Variants in DHX30 observed in about 807,000 individuals in gnomAD.
The protein encoded by DHX30 is DExH-box helicase 30.
A neutral mutation model predicts 116.9 loss-of-function variants in DHX30; 4 were observed. The observed-to-expected ratio is 0.03, with a 90% CI of 0.02 to 0.08. The LOEUF (loss-of-function observed/expected upper bound fraction) is 0.08. Among genes scored for constraint, DHX30 ranks in the 10% least tolerant of loss-of-function variants. The pLI is 1.00. For synonymous variants in DHX30, 697 were observed against 651.7 expected, an observed-to-expected ratio of 1.07 and a Z score of -1.06; for missense variants, 871 against 1,595.1, an observed-to-expected ratio of 0.55 and a Z score of 7.73.
At position 47,841,189 on chromosome 3, in the gene DHX30, A is replaced by G. The variant is rs186366596; in HGVS notation, c.668+11A>G. On this transcript the variant is annotated intron_variant, in intron 7 of 21. Coordinates refer to ENST00000445061, the MANE Select transcript of DHX30 (RefSeq NM_138615.3). Reference sequence around the variant, plus strand: ...ACTCAGGGACTCAAGGTACAGATGGAGGATGGGGATGCAGCAGAGGCTGGC... The same window carrying G: ...ACTCAGGGACTCAAGGTACAGATGGGGGATGGGGATGCAGCAGAGGCTGGC... 1 of 1,612,340 alleles carries G rather than the reference A, an allele frequency of 6.2e-7. No individual in the cohort carries two copies. Among genetic ancestry groups the G allele is most frequent in the African/African-American group, 1.3e-5 (1 of 74,922 alleles).
At chr3:47,826,999 G>A (rs2036582241) in intron 4 of DHX30, among the ~76,000 whole-genome samples, 1 of 152,132 alleles carries the variant, frequency 6.6e-6, no homozygotes, top group African/African-American at 2.4e-5. Context: ...TGTTTGTTTA[G>A]TGTCTTCTTT....
chr3:47,847,750 G>A lies in DHX30; in HGVS notation c.2111-31G>A. On this transcript the variant is annotated intron_variant, in intron 13 of 21. Transcript: ENST00000445061. This position sits in a 1 kb window ranked among gnomAD's most constrained non-coding sequence, Gnocchi z 5.5. ...AGGGGGGAATTCTGGTGGAAGCAGT[G>A]CCCATAACTGGTGTGTGTCTTGCCC... is the stretch of plus-strand genomic sequence containing the variant. 1 of 1,603,592 alleles carries A rather than the reference G, an allele frequency of 6.2e-7. No homozygotes were observed. Among genetic ancestry groups the A allele is most frequent in the Non-Finnish European group, 8.5e-7 (1 of 1,173,356 alleles).
Position 47,846,288 on chromosome 3 carries a change from T to C in DHX30, c.1216T>C (p.Leu406=), listed in dbSNP as rs1191192881. The part of the protein sequence containing the change: ...PITGKPYVPL[L]EAEEVRLSQS... The stretch of plus-strand genomic sequence containing the variant: ...CACAGGCAAGCCCTATGTGCCCCTG[T>C]TGGAAGCAGAGGAGGTACGTCTCAG... The change falls in exon 11 of 22, where the codon TTG becomes CTG. Residue 406 remains leucine, a synonymous_variant. Coordinates refer to ENST00000445061, the MANE Select transcript of DHX30 (RefSeq NM_138615.3). 1 of 1,614,206 alleles carries C rather than the reference T, an allele frequency of 6.2e-7. No individual in the cohort carries two copies. The highest frequency in any genetic ancestry group is 1.1e-5 in the South Asian group (1 of 91,088).
chr3:47,838,015 A>G (rs1255710254), intron 6 of DHX30, among the ~76,000 whole-genome samples: 1 of 152,116 alleles, frequency 6.6e-6, no homozygotes, highest in Non-Finnish European at 1.5e-5. Context: ...GTCTAGTGAA[A>G]GAGTGGTTGC....
chr3:47,804,022 CT>C (rs1242914166), intron 1 of DHX30, among the ~76,000 whole-genome samples: 1 of 152,194 alleles, frequency 6.6e-6, no homozygotes, highest in Non-Finnish European at 1.5e-5. Context: ...TTAGTTGCAG[CT>C]TATGGGCCAG....
Position 47,847,046 on chromosome 3 carries a change from C to G in DHX30, c.1929+45C>G, listed in dbSNP as rs371125120. The G allele has an allele frequency of 6.3e-7, 1 of 1,576,118 alleles. No individual in the cohort carries two copies. The highest frequency in any genetic ancestry group is 8.6e-7 in the Non-Finnish European group (1 of 1,159,286). ...CACCCAAGGCTCCTGGCCTTTCCTC[C>G]GTGGATGCCCCTCCTCCCTGGCCCT... is the stretch of plus-strand genomic sequence containing the variant. On this transcript the variant is annotated intron_variant, in intron 11 of 21. Coordinates refer to ENST00000445061, the MANE Select transcript of DHX30 (RefSeq NM_138615.3). This position sits in a 1 kb window ranked among gnomAD's most constrained non-coding sequence, Gnocchi z 5.5.
At chr3:47,828,509 T>G (rs952179520) in intron 5 of DHX30, among the ~76,000 whole-genome samples, 1 of 148,092 alleles carries the variant, frequency 6.8e-6, no homozygotes, top group African/African-American at 2.5e-5. Context: ...CGGTGGCTCA[T>G]GCCTGTAATC....
rs114902473 is a variant in DHX30 at position 47,847,329 on chromosome 3, C to T, written c.1986C>T (p.Ile662=). 1.9e-3 allele frequency: 3,052 copies of T among 1,614,212 alleles called. 18 individuals carry two copies. The highest frequency in any genetic ancestry group is 0.013 in the Middle Eastern group (77 of 6,062). Residue 662 remains isoleucine, a synonymous_variant, in exon 12 of 22, where the codon ATC becomes ATT. Coordinates refer to ENST00000445061, the MANE Select transcript of DHX30 (RefSeq NM_138615.3). The surrounding 1 kb of genome is among the most constrained non-coding windows in gnomAD (Gnocchi z 5.5). ...LDLVTDLVLH[I]DARGEPGGIL... ...TTGTGACTGATCTGGTTCTGCACAT[C>T]GATGCTCGCGGGGAACCAGGTGGGT...
intron 4 of DHX30, among the ~76,000 whole-genome samples, chr3:47,827,132 C>T (rs3915654): frequency 0.6 from 91,513 of 151,726 alleles, 28,950 homozygotes; most frequent in East Asian, 0.72. Flanking sequence ...GGTCATTGGC[C>T]CTTCTTCAGG....
At chr3:47,828,462 A>C (rs1263883529) in intron 5 of DHX30, among the ~76,000 whole-genome samples, 3 of 128,784 alleles carry the variant, frequency 2.3e-5, no homozygotes, top group Non-Finnish European at 1.6e-5. Context: ...CCTGTCCCCC[A>C]CAAAAAAAAA....
chr3:47,824,790 C>T, intron 4 of DHX30: 1 of 398,252 alleles, frequency 2.5e-6, no homozygotes. Context: ...TCCTGCCTTC[C>T]ATCCACACGA....
intron 4 of DHX30, chr3:47,819,337 T>TGCCTAGCCAACTGCC: frequency 1.5e-6 from 2 of 1,327,078 alleles, no homozygotes; most frequent in African/African-American, 1.5e-5. Context: ...AACCAGGCAG[T>TGCCTAGCCAACTGCC]TGGCTAGGCA....
In DHX30 at chr3:47,827,923, A is replaced by G. The variant is rs536666363; in HGVS notation, c.255+446A>G. ...ACCCAGGCTGGAGTGCAGTGGCACAATCATAACTCACAGTAACCTCAAACT... is the reference window on the plus strand; with the variant it reads ...ACCCAGGCTGGAGTGCAGTGGCACAGTCATAACTCACAGTAACCTCAAACT... On this transcript the variant is annotated intron_variant, in intron 5 of 21. Coordinates refer to ENST00000445061, the MANE Select transcript of DHX30 (RefSeq NM_138615.3). Among the ~76,000 whole-genome samples the G allele has an allele frequency of 2.2e-4, 34 of 152,214 alleles. No individual in the cohort carries two copies. In the South Asian group the frequency reaches 6.8e-3, roughly 31 times the overall value.
chr3:47,848,406 G>A lies in DHX30; in HGVS notation c.2493+20G>A. 1 of 1,613,910 alleles carries A rather than the reference G, an allele frequency of 6.2e-7. No homozygotes were observed. The highest frequency in any genetic ancestry group is 8.5e-7 in the Non-Finnish European group (1 of 1,179,982). On this transcript the variant is annotated intron_variant, in intron 15 of 21. Transcript: ENST00000445061. The surrounding 1 kb of genome is among the most constrained non-coding windows in gnomAD (Gnocchi z 9.4). ...AAGACGGTGCGGCGGGGCGGGGCAG[G>A]GGCTGGCCTGGGGACCAGGCAGGTG...
At chr3:47,821,026 T>C (rs1411793524) in intron 4 of DHX30, among the ~76,000 whole-genome samples, 1 of 152,068 alleles carries the variant, frequency 6.6e-6, no homozygotes, top group Non-Finnish European at 1.5e-5. Context: ...TGATGTCGGC[T>C]CACTGCAACC....
At chr3:47,819,808 C>T (rs2036218097) in intron 4 of DHX30, among the ~76,000 whole-genome samples, 1 of 152,184 alleles carries the variant, frequency 6.6e-6, no homozygotes, top group African/African-American at 2.4e-5. Flanking sequence ...CCAATGTCTT[C>T]CCAAGGCTTC....
intron 9 of DHX30, among the ~76,000 whole-genome samples, chr3:47,844,348 GGAGGCATCT>G (rs2037506037): frequency 1.3e-5 from 2 of 152,254 alleles, no homozygotes; most frequent in East Asian, 1.9e-4. Flanking sequence ...GAGTAGAACT[GGAGGCATCT>G]GAGCTTTGGC....
At chr3:47,840,796 A>C in intron 6 of DHX30, 81 bp from the exon 7 acceptor site, 1 of 1,565,936 alleles carries the variant, frequency 6.4e-7, no homozygotes, top group Non-Finnish European at 8.7e-7. Context: ...AACACAACTT[A>C]ACGGTGTAGC....
intron 2 of DHX30, among the ~76,000 whole-genome samples, chr3:47,808,168 C>T (rs2035619766): frequency 6.6e-6 from 1 of 151,932 alleles, no homozygotes; most frequent in Non-Finnish European, 1.5e-5. Flanking sequence ...CCTCGGCCTC[C>T]CAAAATGCTG....
Sources: gnomAD v4.1 joint callset for allele counts (sites outside exome capture counted in the v4.1 genomes callset) on GRCh38, gnomAD v4.1.1 for gene constraint, Gnocchi (gnomAD v3.1) non-coding constraint, MANE v1.5 for transcripts, NCBI Gene and HGNC (gene_info 2026-07-23, HGNC 2026-07-21) for gene names.